Variants in SHB observed in about 807,000 individuals in gnomAD.
The protein encoded by SHB is SH2 domain-containing adapter protein B.
A neutral mutation model predicts 52.3 loss-of-function variants in SHB; 20 were observed. The ratio of observed to expected loss-of-function variants is 0.38; its 90% confidence interval spans 0.27 to 0.56. The LOEUF is 0.56. Ranked by LOEUF, SHB falls within the 20% of genes least tolerant of loss-of-function variation. The probability of loss-of-function intolerance (pLI) is 0.71; values close to 1 mark genes in which losing one functional copy is unlikely to be tolerated. For synonymous variants in SHB, 397 were observed against 316.5 expected (o/e 1.25, Z -2.70); for missense variants, 825 against 723.3 (o/e 1.14, Z -1.61).
intron 1 of SHB, among the ~76,000 whole-genome samples, chr9:38,052,525 G>C (rs1338354778): frequency 6.6e-6 from 1 of 152,200 alleles, no homozygotes; most frequent in Non-Finnish European, 1.5e-5. Context: ...CGATTGCCCA[G>C]TGTCATCTGA....
intron 2 of SHB, among the ~76,000 whole-genome samples, chr9:37,984,972 A>G (rs1484291181): frequency 2.0e-5 from 3 of 152,196 alleles, no homozygotes; most frequent in African/African-American, 7.2e-5. Flanking sequence ...CCCAACCGTC[A>G]CACGGCAGGA....
At chr9:38,050,866 AAGAG>A (rs1821729500) in intron 1 of SHB, among the ~76,000 whole-genome samples, 1 of 152,096 alleles carries the variant, frequency 6.6e-6, no homozygotes, top group African/African-American at 2.4e-5. Context: ...TACAAAAAAA[AAGAG>A]AGATTTCTAA....
At chr9:38,040,386 G>A (rs1471092222) in intron 1 of SHB, among the ~76,000 whole-genome samples, 5 of 152,216 alleles carry the variant, frequency 3.3e-5, no homozygotes, top group Admixed American at 6.5e-5. Context: ...AATGCCGGCC[G>A]TTATCCCTAA....
At chr9:38,034,024 C>T (rs78455202) in intron 1 of SHB, among the ~76,000 whole-genome samples, 1,553 of 152,278 alleles carry the variant, frequency 0.01, 18 homozygotes, top group Middle Eastern at 0.034. Flanking sequence ...TCACCCTTCG[C>T]CATTAAAAAT....
At chr9:38,051,136 G>A (rs897024566) in intron 1 of SHB, among the ~76,000 whole-genome samples, 6 of 152,002 alleles carry the variant, frequency 3.9e-5, no homozygotes, top group South Asian at 2.1e-4. Context: ...AATCTGAGTC[G>A]AAGTTGCACA....
intron 1 of SHB, among the ~76,000 whole-genome samples, chr9:38,049,375 G>A (rs1821705472): frequency 6.6e-6 from 1 of 152,146 alleles, no homozygotes; most frequent in African/African-American, 2.4e-5. Flanking sequence ...TTGGGAGGCT[G>A]AGGTGGGCAG....
chr9:38,056,609 G>C (rs906109209), intron 1 of SHB, among the ~76,000 whole-genome samples: 5 of 152,220 alleles, frequency 3.3e-5, no homozygotes, highest in African/African-American at 1.2e-4. Context: ...TGGGATTATA[G>C]GCGTGAGCCA....
intron 2 of SHB, among the ~76,000 whole-genome samples, chr9:37,992,599 G>C (rs1457208038): frequency 6.6e-6 from 1 of 152,160 alleles, no homozygotes; most frequent in African/African-American, 2.4e-5. Context: ...GTGAGCAGGG[G>C]CCTGGGGTCT....
intron 3 of SHB, among the ~76,000 whole-genome samples, chr9:37,968,943 G>C (rs1469632274): frequency 6.6e-6 from 1 of 152,086 alleles, no homozygotes; most frequent in Non-Finnish European, 1.5e-5. Context: ...GCTGAGTGGT[G>C]GTAGGAGAAG....
intron 5 of SHB, among the ~76,000 whole-genome samples, chr9:37,931,156 A>C (rs941198113): frequency 6.6e-6 from 1 of 152,212 alleles, no homozygotes; most frequent in African/African-American, 2.4e-5. Context: ...TAGAAACTAT[A>C]AAACTCTTAC....
At position 37,916,423 on chromosome 9, in the gene SHB, T is replaced by C. The variant is rs553346822; in HGVS notation, c.*3398A>G. ...CCTTGGTCAATGATATCACCACTTC[T>C]GAGACAGCGTCTGGGGAGCTACCGG... On this transcript the variant is annotated 3_prime_UTR_variant, in exon 6 of 6. Coordinates refer to ENST00000377707, the MANE Select transcript of SHB (RefSeq NM_003028.3). 6.6e-6 allele frequency among the ~76,000 whole-genome samples: 1 copy of C among 152,218 alleles called. No individual in the cohort carries two copies. The highest frequency in any genetic ancestry group is 1.5e-5 in the Non-Finnish European group (1 of 68,024).
rs1832105371 is a variant in SHB, at chr9:37,916,801, G to C, written c.*3020C>G. Among the ~76,000 whole-genome samples, 1 of 152,168 alleles carries C rather than the reference G, an allele frequency of 6.6e-6. No homozygotes were observed. Among genetic ancestry groups the C allele is most frequent in the Non-Finnish European group, 1.5e-5 (1 of 68,030 alleles). Reference sequence around the variant, plus strand: ...CCTTTCTTTCTGTGGGCGCCATCCTGTTTGGGGGGCTGCCAGAAGGGCCCT... The same window carrying C: ...CCTTTCTTTCTGTGGGCGCCATCCTCTTTGGGGGGCTGCCAGAAGGGCCCT... On this transcript the variant is annotated 3_prime_UTR_variant, in exon 6 of 6. Transcript: ENST00000377707.
In SHB at chr9:37,919,660, C is replaced by T. The variant is rs772135128; in HGVS notation, c.*161G>A. Reference sequence around the variant, plus strand: ...CTTTATCCAGGCCTTCTCCAGCCCCCGTAAGTGGCAACAGCATTCTAGAGA... The same window carrying T: ...CTTTATCCAGGCCTTCTCCAGCCCCTGTAAGTGGCAACAGCATTCTAGAGA... On this transcript the variant is annotated 3_prime_UTR_variant, in exon 6 of 6. Transcript: ENST00000377707. 25 of 572,102 alleles carry T rather than the reference C, an allele frequency of 4.4e-5. No individual in the cohort carries two copies. The highest frequency in any genetic ancestry group is 4.1e-4 in the South Asian group (17 of 41,078). 35.4% of individuals were successfully genotyped at this position (572,102 alleles called of 1,614,324 possible).
At chr9:37,975,863 G>A (rs1158447709) in intron 2 of SHB, among the ~76,000 whole-genome samples, 1 of 152,074 alleles carries the variant, frequency 6.6e-6, no homozygotes, top group African/African-American at 2.4e-5. Context: ...AGGGCAGGAG[G>A]GAAGGGAGAT....
chr9:37,942,069 T>G (rs1300444988), intron 5 of SHB, among the ~76,000 whole-genome samples: 1 of 152,178 alleles, frequency 6.6e-6, no homozygotes, highest in African/African-American at 2.4e-5. Flanking sequence ...TTTGCTATAT[T>G]AATCAATGAA....
intron 2 of SHB, among the ~76,000 whole-genome samples, chr9:37,997,026 G>A (rs1430671509): frequency 6.6e-6 from 1 of 152,224 alleles, no homozygotes; most frequent in Non-Finnish European, 1.5e-5. Flanking sequence ...TCAGGGAAAT[G>A]GGAAGCTGAC....
intron 1 of SHB, among the ~76,000 whole-genome samples, chr9:38,054,822 A>C (rs1262036053): frequency 6.6e-6 from 1 of 152,218 alleles, no homozygotes. Context: ...AAGCTAGAGT[A>C]AACATTTAAA....
In SHB at chr9:37,918,846, T is replaced by C. The variant is rs116239764; in HGVS notation, c.*975A>G. Among the ~76,000 whole-genome samples, 5,864 of 152,100 alleles carry C rather than the reference T, an allele frequency of 0.039. 320 individuals carry two copies. Among genetic ancestry groups the C allele is most frequent in the African/African-American group, 0.13 (5,397 of 41,476 alleles). On this transcript the variant is annotated 3_prime_UTR_variant, in exon 6 of 6. Coordinates refer to ENST00000377707, the MANE Select transcript of SHB (RefSeq NM_003028.3). ...TCCCACTGCAGGAGGGAAAGACTGG[T>C]TTTTTGGTCAACACTGGAGGCTCCT...
rs566177542 is a variant in SHB, at chr9:38,027,081, T to C, written c.718-10950A>G. On this transcript the variant is annotated intron_variant, in intron 1 of 5. Transcript: ENST00000377707. The stretch of plus-strand genomic sequence containing the variant: ...TGAATTGCAGCTATGTGTAGGCCTG[T>C]CTGCTTCCGCTCCACCAGGAAGGCA... Among the ~76,000 whole-genome samples the C allele has an allele frequency of 2.9e-3, 436 of 152,364 alleles. 4 individuals are homozygous for C. The highest frequency in any genetic ancestry group is 0.01 in the African/African-American group (416 of 41,596).
Sources: allele counts gnomAD v4.1 joint callset (sites outside exome capture counted in the v4.1 genomes callset), GRCh38; gene constraint gnomAD v4.1.1; transcripts MANE v1.5; gene names NCBI Gene and HGNC (gene_info 2026-07-23, HGNC 2026-07-21).